The following BRINP3 variants were observed in gnomAD, a reference collection of about 807,000 sequenced individuals.
The protein encoded by BRINP3 is BMP/retinoic acid-inducible neural-specific protein 3.
Under a neutral mutation model 71.0 loss-of-function variants are expected in BRINP3, and 19 were observed. That is an observed-to-expected ratio of 0.27 (90% CI 0.19 to 0.39). The LOEUF (loss-of-function observed/expected upper bound fraction) is 0.39, where lower values mean the gene tolerates loss of function less well. Among genes scored for constraint, BRINP3 ranks in the 10% least tolerant of loss-of-function variants. BRINP3 has a pLI of 1.00. For missense variants in BRINP3, 959 were observed against 940.8 expected (o/e 1.02, Z -0.25); for synonymous variants, 380 against 337.7 (o/e 1.13, Z -1.37).
intron 2 of BRINP3, among the ~76,000 whole-genome samples, chr1:190,373,668 T>A (rs1670009726): frequency 6.6e-6 from 1 of 151,644 alleles, no homozygotes; most frequent in South Asian, 2.1e-4. Context: ...CAAAAACACT[T>A]TGAGTTTTTG....
At chr1:190,200,352 T>G (rs1654892394) in intron 6 of BRINP3, among the ~76,000 whole-genome samples, 1 of 152,102 alleles carries the variant, frequency 6.6e-6, no homozygotes, top group African/African-American at 2.4e-5. Flanking sequence ...TTCAGATGAA[T>G]TTAGAATTTG....
chr1:190,453,331 C>T (rs2102622812), intron 2 of BRINP3, among the ~76,000 whole-genome samples: 1 of 146,466 alleles, frequency 6.8e-6, no homozygotes, highest in Middle Eastern at 3.7e-3. Flanking sequence ...AGCCTTTCTC[C>T]TGCCTCAGCC....
chr1:190,285,284 C>T (rs1322453637), intron 2 of BRINP3, among the ~76,000 whole-genome samples: 1 of 152,070 alleles, frequency 6.6e-6, no homozygotes, highest in Non-Finnish European at 1.5e-5. Flanking sequence ...TAAGACATTA[C>T]TGATGACATT....
At chr1:190,338,494 G>A (rs1024203306) in intron 2 of BRINP3, among the ~76,000 whole-genome samples, 2 of 151,786 alleles carry the variant, frequency 1.3e-5, no homozygotes, top group African/African-American at 4.8e-5. Context: ...TATTTGTACC[G>A]GCACTGCTAC....
intron 2 of BRINP3, among the ~76,000 whole-genome samples, chr1:190,393,652 G>A (rs1181599578): frequency 6.6e-6 from 1 of 151,470 alleles, no homozygotes; most frequent in African/African-American, 2.4e-5. Flanking sequence ...GTAAAATCAT[G>A]TATTTAAAAA....
intron 4 of BRINP3, among the ~76,000 whole-genome samples, chr1:190,247,118 A>C (rs539099783): frequency 6.6e-6 from 1 of 152,006 alleles, no homozygotes; most frequent in Admixed American, 6.6e-5. Context: ...GTTATGCTAA[A>C]TTTTCTAGCA....
chr1:190,443,916 G>A (rs1426988302), intron 2 of BRINP3, among the ~76,000 whole-genome samples: 1 of 152,078 alleles, frequency 6.6e-6, no homozygotes, highest in Non-Finnish European at 1.5e-5. Flanking sequence ...GATTGGGAAC[G>A]TGGACAGGAA....
At chr1:190,441,569 A>G (rs1674821484) in intron 2 of BRINP3, among the ~76,000 whole-genome samples, 1 of 152,084 alleles carries the variant, frequency 6.6e-6, no homozygotes, top group African/African-American at 2.4e-5. Flanking sequence ...TTCTGCTAAG[A>G]TATTTGTCAG....
At chr1:190,128,901 AAG>A (rs1182183486) in intron 7 of BRINP3, among the ~76,000 whole-genome samples, 1 of 151,794 alleles carries the variant, frequency 6.6e-6, no homozygotes, top group Non-Finnish European at 1.5e-5. Flanking sequence ...TAGATCAAAA[AAG>A]ATCTTTATAC....
At chr1:190,292,286 C>A (rs913215572) in intron 2 of BRINP3, among the ~76,000 whole-genome samples, 1 of 151,908 alleles carries the variant, frequency 6.6e-6, no homozygotes, top group East Asian at 1.9e-4. Context: ...AAGTGATCAG[C>A]AAACCTAAAA....
At chr1:190,459,135 C>CA (rs113637584) in intron 1 of BRINP3, among the ~76,000 whole-genome samples, 4,686 of 96,196 alleles carry the variant, frequency 0.049, 111 homozygotes, top group African/African-American at 0.095. Context: ...TTCTTTCTCA[C>CA]AAAAAAAAAA....
At chr1:190,454,456 C>T (rs1675851290) in intron 2 of BRINP3, among the ~76,000 whole-genome samples, 199 bp downstream of exon 2, 1 of 152,128 alleles carries the variant, frequency 6.6e-6, no homozygotes, top group African/African-American at 2.4e-5. Flanking sequence ...CAAGTGGTCA[C>T]CATTATCTGT....
chr1:190,317,313 A>G lies in BRINP3; in HGVS notation c.237-35563T>C, dbSNP rs80019173. 1.3e-3 allele frequency among the ~76,000 whole-genome samples: 203 copies of G among 152,216 alleles called. 3 individuals carry two copies. The highest frequency in any genetic ancestry group is 0.01 in the Admixed American group (159 of 15,268). On this transcript the variant is annotated intron_variant, in intron 2 of 7. Coordinates refer to ENST00000367462, the MANE Select transcript of BRINP3 (RefSeq NM_199051.3). ...GCTAACACCTACCCCAAACTCAGCC[A>G]TTACCAAGGGCAGCTATTCAGTTTC...
chr1:190,356,588 A>G (rs1173532228), intron 2 of BRINP3, among the ~76,000 whole-genome samples: 1 of 151,946 alleles, frequency 6.6e-6, no homozygotes, highest in Non-Finnish European at 1.5e-5. Context: ...CTCTGTTTCT[A>G]TGGTCACATC....
At chr1:190,465,243 C>G (rs1370354252) in intron 1 of BRINP3, among the ~76,000 whole-genome samples, 2 of 151,854 alleles carry the variant, frequency 1.3e-5, no homozygotes, top group Non-Finnish European at 2.9e-5. Context: ...AAGAAATTGT[C>G]AGGCACTAAA....
intron 6 of BRINP3, among the ~76,000 whole-genome samples, chr1:190,180,375 T>C (rs1652921316): frequency 6.6e-6 from 1 of 152,146 alleles, no homozygotes; most frequent in African/African-American, 2.4e-5. Flanking sequence ...TCTGGCACTT[T>C]GGGGTTTAAG....
At chr1:190,455,754 T>A (rs1170672646) in intron 1 of BRINP3, among the ~76,000 whole-genome samples, 1 of 152,150 alleles carries the variant, frequency 6.6e-6, no homozygotes, top group African/African-American at 2.4e-5. Context: ...TATATGCACA[T>A]AAATTAAGCT....
chr1:190,217,193 A>C lies in BRINP3; in HGVS notation c.961+8889T>G, dbSNP rs1656489043. 5.3e-5 allele frequency: 8 copies of C among 152,018 alleles called. 1 individual carries two copies. The South Asian group carries it at 1.7e-3, about 31-fold the overall frequency. The allele number at this position is 152,018 out of a possible 1,614,324, so 9.4% of individuals were successfully genotyped here. A position where few individuals can be genotyped will look rare whatever the true frequency, so the allele number is the denominator to read the frequency against. ...CAAAGCTTTCCCAACCATCAGGGAA[A>C]TGAAATAAGCTGGTGCATTTCCTTA... On this transcript the variant is annotated intron_variant, in intron 6 of 7. Coordinates refer to ENST00000367462, the MANE Select transcript of BRINP3 (RefSeq NM_199051.3).
chr1:190,367,422 T>C (rs1363053952), intron 2 of BRINP3, among the ~76,000 whole-genome samples: 1 of 152,146 alleles, frequency 6.6e-6, no homozygotes, highest in African/African-American at 2.4e-5. Flanking sequence ...AAAACCATTT[T>C]TCCCTCCTAG....
Sources: allele counts gnomAD v4.1 joint callset (sites outside exome capture counted in the v4.1 genomes callset), GRCh38; gene constraint gnomAD v4.1.1; transcripts MANE v1.5; gene names NCBI Gene and HGNC (gene_info 2026-07-23, HGNC 2026-07-21).